MC5R: variants seen among roughly 807,000 people sequenced by gnomAD.
The protein encoded by MC5R is melanocortin receptor 5.
For missense variants in MC5R, 420 were observed against 431.4 expected (o/e 0.97, Z 0.23); for synonymous variants, 167 against 164.4 (o/e 1.02, Z -0.12).
rs753259313 is a variant in MC5R at position 13,826,097 on chromosome 18, T to C, written c.332T>C (p.Val111Ala). The C allele has an allele frequency of 6.2e-7, 1 of 1,614,170 alleles. No individual in the cohort carries two copies. Among genetic ancestry groups the C allele is most frequent in the Admixed American group, 1.7e-5 (1 of 60,028 alleles). Residue 111 changes from valine to alanine, a missense_variant, in exon 2 of 2, where the codon GTG (valine) becomes GCG (alanine). Physicochemically the swap from Val to Ala is moderately conservative, Grantham distance 64 (BLOSUM62 0). Coordinates refer to ENST00000589410, the MANE Select transcript of MC5R (RefSeq NM_005913.3). ...NKHLVIADAF[V>A]RHIDNVFDSM... ...CACCTAGTGATAGCAGACGCCTTTG[T>C]GCGCCACATTGACAATGTGTTTGAC...
In MC5R at chr18:13,825,753, T is replaced by TA. The variant is rs766185528; in HGVS notation, c.-12dup. 1 of 1,551,230 alleles carries TA rather than the reference T, an allele frequency of 6.4e-7. No individual in the cohort carries two copies. Among genetic ancestry groups the TA allele is most frequent in the Non-Finnish European group, 8.7e-7 (1 of 1,152,190 alleles). On this transcript the variant is annotated 5_prime_UTR_variant, in exon 2 of 2. Transcript: ENST00000589410. ...AAATTTGCTGCCAAGACAAGAGGTG[T>TA]ATTTCTCCAGCAATGAATTCCTCAT...
In MC5R at chr18:13,826,475, C is replaced by T. The variant is rs758697258; in HGVS notation, c.710C>T (p.Ala237Val). 16 of 1,613,464 alleles carry T rather than the reference C, an allele frequency of 9.9e-6. 1 individual carries two copies. The East Asian group carries it at 2.5e-4, about 25-fold the overall frequency. ...CGGCAGAGGACCAGCATGCAGGGCG[C>T]GGTCACCGTCACCATGCTGCTGGGC... ...SARQRTSMQGAVTVTMLLGVF... is the reference protein window; with the variant it reads ...SARQRTSMQGVVTVTMLLGVF... The change falls in exon 2 of 2, where the codon GCG (alanine) becomes GTG (valine). Residue 237 changes from alanine to valine, a missense_variant. Transcript: ENST00000589410.
intron 1 of MC5R, among the ~76,000 whole-genome samples, chr18:13,825,238 C>T (rs1288077868): frequency 1.3e-5 from 2 of 152,070 alleles, no homozygotes; most frequent in Non-Finnish European, 2.9e-5. Flanking sequence ...GTTGGGGACA[C>T]TTATGATAGT....
rs368712207 is a variant in MC5R at position 13,826,193 on chromosome 18, C to T, written c.428C>T (p.Thr143Ile). The change falls in exon 2 of 2, where the codon ACC (threonine) becomes ATC (isoleucine). Residue 143 changes from threonine to isoleucine, a missense_variant. Physicochemically the swap from Thr to Ile is moderately conservative, Grantham distance 89 (BLOSUM62 -1). Coordinates refer to ENST00000589410, the MANE Select transcript of MC5R (RefSeq NM_005913.3). The stretch of plus-strand genomic sequence containing the variant: ...GCCATTGCAGTGGATAGGTACGTCA[C>T]CATCTTCTACGCCCTGCGCTACCAC... ...LLAIAVDRYVTIFYALRYHHI... is the reference protein window; with the variant it reads ...LLAIAVDRYVIIFYALRYHHI... The T allele has an allele frequency of 1.3e-5, 21 of 1,614,158 alleles. No homozygotes were observed. The highest frequency in any genetic ancestry group is 1.7e-5 in the Non-Finnish European group (20 of 1,180,048).
In MC5R at chr18:13,826,514, G is replaced by T. The variant is rs1392952757; in HGVS notation, c.749G>T (p.Cys250Phe). The T allele has an allele frequency of 5.0e-6, 8 of 1,613,822 alleles. No individual in the cohort carries two copies. The highest frequency in any genetic ancestry group is 6.8e-6 in the Non-Finnish European group (8 of 1,179,832). ...VTMLLGVFTV[C>F]WAPFFLHLTL... is the part of the protein sequence containing the mutation. ...ATGCTGCTGGGCGTGTTTACCGTGT[G>T]CTGGGCCCCGTTCTTCCTTCATCTC... Residue 250 changes from cysteine to phenylalanine, a missense_variant, in exon 2 of 2, where the codon TGC becomes TTC. Transcript: ENST00000589410.
intron 1 of MC5R, chr18:13,825,452 C>G: frequency 4.3e-6 from 1 of 235,240 alleles, no homozygotes; most frequent in South Asian, 1.3e-4. Flanking sequence ...AGCCAGCTGC[C>G]GGGCACGTGG....
rs2044936314 is a variant in MC5R at position 13,827,218 on chromosome 18, A to G, written c.*475A>G. On this transcript the variant is annotated 3_prime_UTR_variant, in exon 2 of 2. Coordinates refer to ENST00000589410, the MANE Select transcript of MC5R (RefSeq NM_005913.3). Reference sequence around the variant, plus strand: ...CTTTTCAGGGAAGAAAAGAGTGGCCAGATTCTTTCCATCAGAAGCAATCTG... The same window carrying G: ...CTTTTCAGGGAAGAAAAGAGTGGCCGGATTCTTTCCATCAGAAGCAATCTG... 6.5e-6 allele frequency: 1 copy of G among 154,826 alleles called. No homozygotes were observed. The highest frequency in any genetic ancestry group is 1.4e-5 in the Non-Finnish European group (1 of 69,996). The allele number at this position is 154,826 out of a possible 1,614,324, so 9.6% of individuals were successfully genotyped here.
At position 13,825,564 on chromosome 18, in the gene MC5R, T is replaced by TAA. The variant is rs11454837; in HGVS notation, c.-39-146_-39-145dup. ...GGCAACATAGGGAGACCCTGTCTCT[T>TAA]AAAAAAAAAAAAAAAAAAGGACTGA... On this transcript the variant is annotated intron_variant, in intron 1 of 1. Transcript: ENST00000589410. 5.9e-3 allele frequency: 1,972 copies of TAA among 333,774 alleles called. 1 individual carries two copies. The highest frequency in any genetic ancestry group is 0.019 in the East Asian group (347 of 18,010). 20.7% of individuals were successfully genotyped at this position (333,774 alleles called of 1,614,324 possible). A position where few individuals can be genotyped will look rare whatever the true frequency, so the allele number is the denominator to read the frequency against.
intron 1 of MC5R, 72 bp from the exon 2 acceptor site, chr18:13,825,655 T>C: frequency 8.8e-6 from 8 of 912,482 alleles, no homozygotes; most frequent in South Asian, 1.6e-5. Flanking sequence ...GTGTTGGTTC[T>C]AGGCTAGCTG....
At position 13,826,451 on chromosome 18, in the gene MC5R, G is replaced by C. The variant is rs756178831; in HGVS notation, c.686G>C (p.Arg229Pro). The stretch of plus-strand genomic sequence containing the variant: ...GCTCTGCCCGGGGCCAGCTCTGCGC[G>C]GCAGAGGACCAGCATGCAGGGCGCG... ...IAALPGASSA[R>P]QRTSMQGAVT... Residue 229 changes from arginine (R) to proline (P), a missense_variant, in exon 2 of 2, where the codon CGG (arginine) becomes CCG (proline). By Grantham distance (103) the Arg-to-Pro change is moderately radical. Coordinates refer to ENST00000589410, the MANE Select transcript of MC5R (RefSeq NM_005913.3). The C allele has an allele frequency of 2.5e-6, 4 of 1,613,632 alleles. No homozygotes were observed. The highest frequency in any genetic ancestry group is 3.4e-6 in the Non-Finnish European group (4 of 1,179,772).
rs566165567 is a variant in MC5R, at chr18:13,826,445, C to T, written c.680C>T (p.Ser227Phe). 6.8e-6 allele frequency: 11 copies of T among 1,613,848 alleles called. No homozygotes were observed. Among genetic ancestry groups the T allele is most frequent in the Admixed American group, 6.7e-5 (4 of 60,018 alleles). The change falls in exon 2 of 2, where the codon TCT becomes TTT. Residue 227 changes from serine to phenylalanine, a missense_variant. Physicochemically the swap from Ser to Phe is radical, Grantham distance 155. Coordinates refer to ENST00000589410, the MANE Select transcript of MC5R (RefSeq NM_005913.3). ...KRIAALPGASSARQRTSMQGA... is the reference protein window; with the variant it reads ...KRIAALPGASFARQRTSMQGA... ...ATCGCGGCTCTGCCCGGGGCCAGCT[C>T]TGCGCGGCAGAGGACCAGCATGCAG...
chr18:13,825,474 A>C, intron 1 of MC5R: 1 of 292,858 alleles, frequency 3.4e-6, no homozygotes, highest in South Asian at 8.0e-5. Flanking sequence ...TCACCCCTGT[A>C]GTACCAGCAC....
In MC5R at chr18:13,826,490, T is replaced by A. The variant is rs745981972; in HGVS notation, c.725T>A (p.Met242Lys). The A allele has an allele frequency of 4.3e-6, 7 of 1,613,526 alleles. No individual in the cohort carries two copies. The East Asian group carries it at 1.6e-4, about 36-fold the overall frequency. The change falls in exon 2 of 2, where the codon ATG (methionine) becomes AAG (lysine). Residue 242 changes from methionine to lysine, a missense_variant. Met to Lys is a moderately conservative substitution (Grantham distance 95). Transcript: ENST00000589410. ...TSMQGAVTVT[M>K]LLGVFTVCWA... is the part of the protein sequence containing the mutation. ...ATGCAGGGCGCGGTCACCGTCACCATGCTGCTGGGCGTGTTTACCGTGTGC... is the reference window on the plus strand; with the variant it reads ...ATGCAGGGCGCGGTCACCGTCACCAAGCTGCTGGGCGTGTTTACCGTGTGC...
Position 13,826,644 on chromosome 18 carries a change from C to T in MC5R, c.879C>T (p.Leu293=), listed in dbSNP as rs763782963. 6.2e-7 allele frequency: 1 copy of T among 1,614,094 alleles called. No homozygotes were observed. The highest frequency in any genetic ancestry group is 8.5e-7 in the Non-Finnish European group (1 of 1,179,996). ...LIMCNSVMDP[L]IYAFRSQEMR... ...TGTGTAATTCCGTGATGGACCCTCTCATATATGCCTTCCGCAGCCAAGAGA... is the reference window on the plus strand; with the variant it reads ...TGTGTAATTCCGTGATGGACCCTCTTATATATGCCTTCCGCAGCCAAGAGA... The change falls in exon 2 of 2, where the codon CTC becomes CTT. Residue 293 remains leucine, a synonymous_variant. Coordinates refer to ENST00000589410, the MANE Select transcript of MC5R (RefSeq NM_005913.3).
chr18:13,826,321 G>C lies in MC5R; in HGVS notation c.556G>C (p.Val186Leu). Residue 186 changes from valine to leucine, a missense_variant, in exon 2 of 2, where the codon GTC becomes CTC. Val to Leu is a conservative substitution (Grantham distance 32, BLOSUM62 1). Coordinates refer to ENST00000589410, the MANE Select transcript of MC5R (RefSeq NM_005913.3). ...VFILYSESTYVILCLISMFFA... is the reference protein window; with the variant it reads ...VFILYSESTYLILCLISMFFA... ...CATCCTGTACTCAGAATCCACCTAC[G>C]TCATCCTGTGCCTCATCTCCATGTT... 6.2e-7 allele frequency: 1 copy of C among 1,614,128 alleles called. No individual in the cohort carries two copies. Among genetic ancestry groups the C allele is most frequent in the Non-Finnish European group, 8.5e-7 (1 of 1,180,036 alleles).
chr18:13,826,308 A>G lies in MC5R; in HGVS notation c.543A>G (p.Ser181=). 6.2e-7 allele frequency: 1 copy of G among 1,614,174 alleles called. No homozygotes were observed. Among genetic ancestry groups the G allele is most frequent in the Non-Finnish European group, 8.5e-7 (1 of 1,180,038 alleles). ...TGCGIVFILY[S]ESTYVILCLI... ...GCGGCATTGTCTTCATCCTGTACTC[A>G]GAATCCACCTACGTCATCCTGTGCC... The change falls in exon 2 of 2, where the codon TCA becomes TCG. Residue 181 remains serine, a synonymous_variant. Transcript: ENST00000589410.
At position 13,825,776 on chromosome 18, in the gene MC5R, C is replaced by A. The variant is rs2044924666; in HGVS notation, c.11C>A (p.Ser4Ter). 1.3e-6 allele frequency: 2 copies of A among 1,571,486 alleles called. No homozygotes were observed. The highest frequency in any genetic ancestry group is 1.7e-6 in the Non-Finnish European group (2 of 1,162,402). MNS[S>*]FHLHFLDLNL... ...TGTATTTCTCCAGCAATGAATTCCT[C>A]ATTTCACCTGCATTTCTTGGATCTC... is the stretch of plus-strand genomic sequence containing the variant. Residue 4 changes from serine to a stop codon, truncating the protein, a stop_gained, in exon 2 of 2, where the codon TCA becomes TAA. Transcript: ENST00000589410. LOFTEE classifies it low-confidence loss of function (END_TRUNC).
chr18:13,826,922 G>T lies in MC5R; in HGVS notation c.*179G>T, dbSNP rs151155911. On this transcript the variant is annotated 3_prime_UTR_variant, in exon 2 of 2. Coordinates refer to ENST00000589410, the MANE Select transcript of MC5R (RefSeq NM_005913.3). ...TGATTATGTCCAACATGCAAGGGTT[G>T]CTTATCCACTCTGGGGACAGTCATG... The T allele has an allele frequency of 3.2e-6, 2 of 622,258 alleles. No individual in the cohort carries two copies. Among genetic ancestry groups the T allele is most frequent in the East Asian group, 2.8e-5 (1 of 35,442 alleles). 38.5% of individuals were successfully genotyped at this position (622,258 alleles called of 1,614,324 possible). A position where few individuals can be genotyped will look rare whatever the true frequency, so the allele number is the denominator to read the frequency against.
In MC5R at chr18:13,826,230, G is replaced by C. The variant is rs751988451; in HGVS notation, c.465G>C (p.Thr155=). The C allele has an allele frequency of 6.3e-5, 101 of 1,613,954 alleles. No individual in the cohort carries two copies. The highest frequency in any genetic ancestry group is 8.1e-5 in the Non-Finnish European group (96 of 1,180,034). ...FYALRYHHIM[T]ARRSGAIIAG... ...CCCTGCGCTACCACCACATCATGAC[G>C]GCGAGGCGCTCAGGGGCCATCATCG... Residue 155 remains threonine (T), a synonymous_variant, in exon 2 of 2, where the codon ACG becomes ACC. Coordinates refer to ENST00000589410, the MANE Select transcript of MC5R (RefSeq NM_005913.3).
Sources: allele counts gnomAD v4.1 joint callset (sites outside exome capture counted in the v4.1 genomes callset), GRCh38; gene constraint gnomAD v4.1.1; transcripts MANE v1.5; gene names NCBI Gene and HGNC (gene_info 2026-07-23, HGNC 2026-07-21).